TNFRSF10C: variants seen among roughly 807,000 people sequenced by gnomAD.
The protein encoded by TNFRSF10C is TNF receptor superfamily member 10c, also known as tumor necrosis factor receptor superfamily member 10C.
In TNFRSF10C, 17 loss-of-function variants were observed where a neutral mutation model predicts 16.7. The ratio of observed to expected loss-of-function variants is 1.02; its 90% confidence interval spans 0.70 to 1.53. TNFRSF10C has a LOEUF of 1.53. TNFRSF10C is among the 40% of genes most tolerant of loss of function. TNFRSF10C has a pLI of 0.00. For missense variants in TNFRSF10C, 237 were observed against 329.7 expected, an observed-to-expected ratio of 0.72 and a Z score of 2.18; for synonymous variants, 73 against 119.7, an observed-to-expected ratio of 0.61 and a Z score of 2.55.
chr8:23,109,845 C>G (rs1024533166), intron 1 of TNFRSF10C, among the ~76,000 whole-genome samples: 1 of 151,908 alleles, frequency 6.6e-6, no homozygotes, highest in Non-Finnish European at 1.5e-5. Context: ...GCAGGCAGAT[C>G]ACTTGAGCTC....
chr8:23,111,531 T>A (rs966971546), intron 1 of TNFRSF10C, among the ~76,000 whole-genome samples, 189 bp from the exon 2 acceptor site: 5 of 146,198 alleles, frequency 3.4e-5, no homozygotes, highest in Admixed American at 6.8e-5. Flanking sequence ...TTTTTTTTTT[T>A]TATAGAAAAT....
At chr8:23,111,878 G>T in intron 2 of TNFRSF10C, 53 bp downstream of exon 2, 2 of 1,519,630 alleles carry the variant, frequency 1.3e-6, no homozygotes, top group South Asian at 1.2e-5. Context: ...GATAAACATT[G>T]TATGTATTTA....
chr8:23,106,355 T>G (rs1046523224), intron 1 of TNFRSF10C, among the ~76,000 whole-genome samples: 6 of 151,604 alleles, frequency 4.0e-5, no homozygotes, highest in African/African-American at 1.5e-4. Context: ...GCCTGGAAGA[T>G]GTGGTTTGAT....
At chr8:23,116,469 C>T (rs1010407287) in intron 4 of TNFRSF10C, among the ~76,000 whole-genome samples, 172 bp from the exon 5 acceptor site, 1 of 152,214 alleles carries the variant, frequency 6.6e-6, no homozygotes, top group Admixed American at 6.5e-5. Flanking sequence ...TGCGCATGCT[C>T]AGACCCTTCC....
At position 23,117,228 on chromosome 8, in the gene TNFRSF10C, C is replaced by A; in HGVS notation, c.*197C>A. The A allele has an allele frequency of 1.2e-6, 1 of 808,592 alleles. No individual in the cohort carries two copies. The highest frequency in any genetic ancestry group is 1.9e-6 in the Non-Finnish European group (1 of 525,142). 50.1% of individuals were successfully genotyped at this position (808,592 alleles called of 1,614,324 possible). ...CCTCCTTGTGATCGTCCCATCCCCA[C>A]ATCCCGTGCACCCCCCAGGACCCTG... On this transcript the variant is annotated 3_prime_UTR_variant, in exon 5 of 5. Coordinates refer to ENST00000356864, the MANE Select transcript of TNFRSF10C (RefSeq NM_003841.5).
At chr8:23,109,506 G>A (rs1230652032) in intron 1 of TNFRSF10C, among the ~76,000 whole-genome samples, 4 of 151,744 alleles carry the variant, frequency 2.6e-5, no homozygotes, top group Admixed American at 1.3e-4. Flanking sequence ...GCGTGGTGGC[G>A]GGCACCTGTA....
At chr8:23,105,181 G>A (rs1350635440) in intron 1 of TNFRSF10C, among the ~76,000 whole-genome samples, 9 of 152,188 alleles carry the variant, frequency 5.9e-5, no homozygotes, top group Admixed American at 1.3e-4. Flanking sequence ...GGGCCCTGCC[G>A]TGCTCCCCCT....
At chr8:23,111,299 C>T (rs1813873547) in intron 1 of TNFRSF10C, among the ~76,000 whole-genome samples, 1 of 151,988 alleles carries the variant, frequency 6.6e-6, no homozygotes, top group Non-Finnish European at 1.5e-5. Context: ...TCACTGCAAC[C>T]TCTGCCTCTC....
chr8:23,107,372 TG>T (rs1303205671), intron 1 of TNFRSF10C, among the ~76,000 whole-genome samples: 1 of 152,190 alleles, frequency 6.6e-6, no homozygotes. Context: ...CATTGAAGAA[TG>T]AAGAAATTCT....
At chr8:23,104,680 C>G (rs1230459008) in intron 1 of TNFRSF10C, among the ~76,000 whole-genome samples, 1 of 152,248 alleles carries the variant, frequency 6.6e-6, no homozygotes, top group Non-Finnish European at 1.5e-5. Flanking sequence ...ACAAATGTGC[C>G]TGTGTCCCTA....
chr8:23,106,929 GAA>G (rs34115251), intron 1 of TNFRSF10C, among the ~76,000 whole-genome samples: 55 of 144,158 alleles, frequency 3.8e-4, no homozygotes, highest in Non-Finnish European at 7.2e-4. Flanking sequence ...AGAGCTTTCA[GAA>G]AAAAAAAAAA....
intron 2 of TNFRSF10C, among the ~76,000 whole-genome samples, chr8:23,113,576 T>C (rs1813921012): frequency 6.6e-6 from 1 of 152,364 alleles, no homozygotes; most frequent in Non-Finnish European, 1.5e-5. Flanking sequence ...TTTTGTGTTC[T>C]TGGTATCTTT....
At chr8:23,112,691 G>A (rs1813902212) in intron 2 of TNFRSF10C, among the ~76,000 whole-genome samples, 1 of 152,166 alleles carries the variant, frequency 6.6e-6, no homozygotes, top group African/African-American at 2.4e-5. Context: ...GTATCTATGT[G>A]TCACATTTTC....
chr8:23,109,752 G>T (rs1813845495), intron 1 of TNFRSF10C, among the ~76,000 whole-genome samples: 1 of 151,834 alleles, frequency 6.6e-6, no homozygotes, highest in South Asian at 2.1e-4. Flanking sequence ...ATAAATCAAA[G>T]AATACAAACC....
At position 23,117,291 on chromosome 8, in the gene TNFRSF10C, C is replaced by T; in HGVS notation, c.*260C>T. 1.7e-6 allele frequency: 1 copy of T among 574,402 alleles called. No homozygotes were observed. The allele number at this position is 574,402 out of a possible 1,614,324, so 35.6% of individuals were successfully genotyped here. On this transcript the variant is annotated 3_prime_UTR_variant, in exon 5 of 5. Transcript: ENST00000356864. ...CCTCTCCTGGAGCTGGGGGTCCACA[C>T]ATCTCCCAGCCAAGTCCAAGAGGGC... is the stretch of plus-strand genomic sequence containing the variant.
chr8:23,110,807 T>C (rs1454146796), intron 1 of TNFRSF10C, among the ~76,000 whole-genome samples: 1 of 152,248 alleles, frequency 6.6e-6, no homozygotes, highest in Non-Finnish European at 1.5e-5. Flanking sequence ...TTTAAGTGTG[T>C]GTCTGTGTGT....
In TNFRSF10C at chr8:23,111,701, C is replaced by T; in HGVS notation, c.61-19C>T. 1 of 1,605,636 alleles carries T rather than the reference C, an allele frequency of 6.2e-7. No homozygotes were observed. The highest frequency in any genetic ancestry group is 8.5e-7 in the Non-Finnish European group (1 of 1,172,658). On this transcript the variant is annotated intron_variant, in intron 1 of 4. Transcript: ENST00000356864. The stretch of plus-strand genomic sequence containing the variant: ...AGGTCTGGAAGTCACTCACACCCAT[C>T]ACTCCTTTGTCCCCACAGGTCCTAG...
At chr8:23,115,852 G>A (rs150233483) in intron 4 of TNFRSF10C, among the ~76,000 whole-genome samples, 1 of 150,410 alleles carries the variant, frequency 6.6e-6, no homozygotes, top group Non-Finnish European at 1.5e-5. Context: ...CCCTTGGCCA[G>A]ACCAACTTGT....
chr8:23,116,616 C>T (rs1286984658), intron 4 of TNFRSF10C, 25 bp from the exon 5 acceptor site: 4 of 1,602,892 alleles, frequency 2.5e-6, no homozygotes, highest in African/African-American at 1.3e-5. Context: ...CAGGAGTCCT[C>T]ACCTCCCTCT....
Sources: gnomAD v4.1 joint callset for allele counts (sites outside exome capture counted in the v4.1 genomes callset) on GRCh38, gnomAD v4.1.1 for gene constraint, MANE v1.5 for transcripts, NCBI Gene and HGNC (gene_info 2026-07-23, HGNC 2026-07-21) for gene names.